The following NEDD4L variants were observed in gnomAD, a reference collection of about 807,000 sequenced individuals.
NEDD4L encodes NEDD4 like E3 ubiquitin protein ligase.
NEDD4L carries 54 observed loss-of-function variants against 148.9 expected under a neutral mutation model. The ratio of observed to expected loss-of-function variants is 0.36; its 90% CI spans 0.29 to 0.45. NEDD4L has a LOEUF of 0.45. Ranked by LOEUF, NEDD4L falls within the 20% of genes least tolerant of loss-of-function variation. The pLI is 1.00. For synonymous variants in NEDD4L, 433 were observed against 440.7 expected (o/e 0.98, Z 0.22); for missense variants, 856 against 1,233.8 (o/e 0.69, Z 4.59).
rs1161273608 is a variant in NEDD4L, at chr18:58,069,136, CAAAAAA to C, written c.48+24446_48+24451del. 1.8e-3 allele frequency among the ~76,000 whole-genome samples: 133 copies of C among 73,266 alleles called. 1 individual carries two copies. The highest frequency in any genetic ancestry group is 3.4e-3 in the African/African-American group (77 of 22,968). 48.1% of individuals were successfully genotyped at this position (73,266 alleles called of 152,430 possible). A position where few individuals can be genotyped will look rare whatever the true frequency, so the allele number is the denominator to read the frequency against. ...GTGTGATAGAGTGAGAATCTGTCTCCAAAAAAAAAAAAAAAAAAAAAAATAGGAAAG... is the reference window on the plus strand; with the variant it reads ...GTGTGATAGAGTGAGAATCTGTCTCCAAAAAAAAAAAAAAAAATAGGAAAG... On this transcript the variant is annotated intron_variant, in intron 1 of 30. Coordinates refer to ENST00000400345, the MANE Select transcript of NEDD4L (RefSeq NM_001144967.3).
intron 2 of NEDD4L, chr18:58,221,694 G>C: frequency 1.0e-6 from 1 of 985,516 alleles, no homozygotes; most frequent in South Asian, 4.7e-5. Context: ...TAGATTTCCA[G>C]CAGCGCTAGT....
At chr18:58,308,871 CACCCAGTGTACAA>C (rs928331794) in intron 5 of NEDD4L, among the ~76,000 whole-genome samples, 2 of 152,238 alleles carry the variant, frequency 1.3e-5, no homozygotes, top group African/African-American at 4.8e-5. Flanking sequence ...ATGCCCTCAT[CACCCAGTGTACAA>C]ACACCTGCTG....
intron 1 of NEDD4L, among the ~76,000 whole-genome samples, chr18:58,138,838 T>A (rs1346526336): frequency 6.6e-6 from 1 of 152,214 alleles, no homozygotes; most frequent in Admixed American, 6.5e-5. Flanking sequence ...TCGTAAAGGC[T>A]CCACCTTCCA....
At chr18:58,126,174 G>A (rs1051411311) in intron 1 of NEDD4L, among the ~76,000 whole-genome samples, 2 of 152,220 alleles carry the variant, frequency 1.3e-5, no homozygotes, top group African/African-American at 2.4e-5. Flanking sequence ...CATTTAATGG[G>A]TGATGCAATG....
chr18:58,167,913 C>A (rs963880227), intron 2 of NEDD4L, among the ~76,000 whole-genome samples: 1 of 150,886 alleles, frequency 6.6e-6, no homozygotes, highest in Non-Finnish European at 1.5e-5. Context: ...TTATCCAAAC[C>A]CTCCCATTAA....
At chr18:58,064,706 C>T (rs775652150) in intron 1 of NEDD4L, among the ~76,000 whole-genome samples, 22 of 152,166 alleles carry the variant, frequency 1.4e-4, no homozygotes, top group African/African-American at 2.9e-4. Context: ...GGGAAGTACT[C>T]GTTTACATAA....
chr18:58,074,255 T>G (rs137934001), intron 1 of NEDD4L, among the ~76,000 whole-genome samples: 1 of 151,016 alleles, frequency 6.6e-6, no homozygotes, highest in East Asian at 1.9e-4. Context: ...CCCAAAATCA[T>G]GCTAAGATTT....
intron 13 of NEDD4L, among the ~76,000 whole-genome samples, chr18:58,340,183 G>A (rs750503067): frequency 5.3e-5 from 8 of 152,122 alleles, no homozygotes; most frequent in Admixed American, 4.6e-4. Flanking sequence ...TCCAGCATCT[G>A]TCCCAGTGCC....
intron 5 of NEDD4L, among the ~76,000 whole-genome samples, chr18:58,275,158 A>G (rs1305694657): frequency 6.6e-6 from 1 of 152,184 alleles, no homozygotes; most frequent in Non-Finnish European, 1.5e-5. Flanking sequence ...TATATATTTT[A>G]TGTTATAAAA....
chr18:58,215,788 G>A (rs1252552314), intron 2 of NEDD4L, among the ~76,000 whole-genome samples: 1 of 152,100 alleles, frequency 6.6e-6, no homozygotes, highest in Non-Finnish European at 1.5e-5. Context: ...TTTCCTTTTA[G>A]TTGTTTTTTA....
At chr18:58,386,234 G>A (rs947154245) in intron 26 of NEDD4L, among the ~76,000 whole-genome samples, 3 of 152,046 alleles carry the variant, frequency 2.0e-5, no homozygotes, top group Non-Finnish European at 1.5e-5. Context: ...TGTATTTTTA[G>A]TAGAGACGGG....
In NEDD4L at chr18:58,377,093, G is replaced by A. The variant is rs369846917; in HGVS notation, c.2352+3824G>A. The stretch of plus-strand genomic sequence containing the variant: ...TGTCTCTCCTGCTCAGCTTCCTCCC[G>A]ATGATGGCAGCCGCATGCCTGCCCT... On this transcript the variant is annotated intron_variant, in intron 24 of 30. Coordinates refer to ENST00000400345, the MANE Select transcript of NEDD4L (RefSeq NM_001144967.3). 2.9e-4 allele frequency among the ~76,000 whole-genome samples: 44 copies of A among 152,276 alleles called. No homozygotes were observed. In the South Asian group the frequency reaches 7.7e-3, roughly 27 times the overall value.
At chr18:58,332,960 C>A (rs2041193865) in intron 11 of NEDD4L, among the ~76,000 whole-genome samples, 1 of 152,042 alleles carries the variant, frequency 6.6e-6, no homozygotes, top group Non-Finnish European at 1.5e-5. Context: ...TCATTCCTGT[C>A]TTTACTACTT....
At chr18:58,324,121 A>C (rs1052948493) in intron 8 of NEDD4L, among the ~76,000 whole-genome samples, 6 of 152,194 alleles carry the variant, frequency 3.9e-5, no homozygotes, top group Non-Finnish European at 8.8e-5. Context: ...CTCTATATAC[A>C]TGAAGAGGAA....
chr18:58,169,853 C>T (rs150853471), intron 2 of NEDD4L, among the ~76,000 whole-genome samples: 1 of 152,310 alleles, frequency 6.6e-6, no homozygotes, highest in African/African-American at 2.4e-5. Context: ...GCAGACCTCT[C>T]CCTGTCTCTG....
chr18:58,090,475 A>G (rs2084011920), intron 1 of NEDD4L, among the ~76,000 whole-genome samples: 1 of 152,084 alleles, frequency 6.6e-6, no homozygotes, highest in Non-Finnish European at 1.5e-5. Context: ...GATATTATCC[A>G]GATAACACCC....
intron 1 of NEDD4L, chr18:58,047,184 G>C: frequency 1.1e-6 from 1 of 946,924 alleles, no homozygotes; most frequent in Non-Finnish European, 1.3e-6. Context: ...GGTACACTTA[G>C]TTTGCAGACT....
At chr18:58,146,264 C>T (rs529923773) in intron 1 of NEDD4L, among the ~76,000 whole-genome samples, 53 of 152,220 alleles carry the variant, frequency 3.5e-4, no homozygotes, top group Middle Eastern at 3.4e-3. Context: ...GTTGAGGTTT[C>T]TAGAGATGAG....
intron 1 of NEDD4L, among the ~76,000 whole-genome samples, chr18:58,079,706 A>G (rs1311351328): frequency 6.6e-6 from 1 of 152,154 alleles, no homozygotes; most frequent in Non-Finnish European, 1.5e-5. Context: ...AGTATGTGTG[A>G]GGAACCGGAG....
Sources: gnomAD v4.1 joint callset for allele counts (sites outside exome capture counted in the v4.1 genomes callset) on GRCh38, gnomAD v4.1.1 for gene constraint, MANE v1.5 for transcripts, NCBI Gene and HGNC (gene_info 2026-07-23, HGNC 2026-07-21) for gene names.